The following HCN1 variants were observed in gnomAD, a reference collection of about 807,000 sequenced individuals.
HCN1 encodes hyperpolarization activated cyclic nucleotide gated potassium channel 1, also known as potassium/sodium hyperpolarization-activated cyclic nucleotide-gated channel 1.
A neutral mutation model predicts 78.9 loss-of-function variants in HCN1; 13 were observed. The ratio of observed to expected loss-of-function variants is 0.16; its 90% confidence interval spans 0.11 to 0.26. The LOEUF is 0.26. Among genes scored for constraint, HCN1 ranks in the 10% least tolerant of loss-of-function variants. HCN1 has a pLI of 1.00. For synonymous variants in HCN1, 552 were observed against 455.5 expected, an observed-to-expected ratio of 1.21 and a Z score of -2.70; for missense variants, 810 against 1,154.3, an observed-to-expected ratio of 0.70 and a Z score of 4.32.
At chr5:45,411,414 TA>T (rs1348292010) in intron 3 of HCN1, among the ~76,000 whole-genome samples, 5 of 152,044 alleles carry the variant, frequency 3.3e-5, no homozygotes, top group Admixed American at 1.3e-4. Flanking sequence ...GATTCAGGCG[TA>T]ATTCCTATTT....
chr5:45,322,361 GACC>G (rs1442050100), intron 5 of HCN1, among the ~76,000 whole-genome samples: 1 of 151,746 alleles, frequency 6.6e-6, no homozygotes, highest in Non-Finnish European at 1.5e-5. Context: ...GTAGTATAAT[GACC>G]ACAATGATGA....
chr5:45,464,222 A>G (rs186935939), intron 2 of HCN1, among the ~76,000 whole-genome samples: 5 of 152,230 alleles, frequency 3.3e-5, no homozygotes. Flanking sequence ...GAGAGACAGG[A>G]CCACTAATTT....
intron 5 of HCN1, among the ~76,000 whole-genome samples, chr5:45,320,186 C>A (rs570392507): frequency 6.6e-6 from 1 of 151,880 alleles, no homozygotes; most frequent in South Asian, 2.1e-4. Flanking sequence ...AAAAGACATC[C>A]CTACCTGGAG....
In HCN1 at chr5:45,430,122, A is replaced by G. The variant is rs1211014008; in HGVS notation, c.1011+31724T>C. On this transcript the variant is annotated intron_variant, in intron 3 of 7. Transcript: ENST00000303230. ...ATCCCTGGATAATAAAATTAATATA[A>G]AAGAATAAAACTCCAACATTCATCA... is the stretch of plus-strand genomic sequence containing the variant. Among the ~76,000 whole-genome samples the G allele has an allele frequency of 2.0e-5, 3 of 152,204 alleles. No individual in the cohort carries two copies. The East Asian group carries it at 5.8e-4, about 29-fold the overall frequency.
intron 3 of HCN1, among the ~76,000 whole-genome samples, chr5:45,452,246 AT>A (rs762942446): frequency 9.2e-5 from 14 of 151,638 alleles, no homozygotes; most frequent in Non-Finnish European, 1.9e-4. Flanking sequence ...AGAGACAGGT[AT>A]TGATTAACTC....
At chr5:45,689,215 T>C (rs573222497) in intron 1 of HCN1, among the ~76,000 whole-genome samples, 1 of 152,164 alleles carries the variant, frequency 6.6e-6, no homozygotes, top group South Asian at 2.1e-4. Context: ...GGATGATCTG[T>C]GCAGCAAACT....
At chr5:45,690,027 T>C (rs1739877289) in intron 1 of HCN1, among the ~76,000 whole-genome samples, 2 of 152,064 alleles carry the variant, frequency 1.3e-5, no homozygotes, top group Admixed American at 1.3e-4. Context: ...AGGCAGTCAT[T>C]CCATTCCCTG....
chr5:45,433,002 T>C (rs1202260096), intron 3 of HCN1, among the ~76,000 whole-genome samples: 1 of 152,004 alleles, frequency 6.6e-6, no homozygotes, highest in Non-Finnish European at 1.5e-5. Context: ...AAAACCATCA[T>C]ATCTCATGAG....
chr5:45,685,465 G>C (rs1238951780), intron 1 of HCN1, among the ~76,000 whole-genome samples: 1 of 152,198 alleles, frequency 6.6e-6, no homozygotes, highest in East Asian at 1.9e-4. Flanking sequence ...TGTAACGTCA[G>C]CACTTTAGGA....
rs1740006250 is a variant in HCN1 at position 45,696,027 on chromosome 5, C to G, written c.67G>C (p.Ala23Pro). ...CCCGCGCCCGTCGCGGACGCCTTGG[C>G]GGGGAAGACGCTGTTGCCATCGTCC... is the stretch of plus-strand genomic sequence containing the variant. Reference protein sequence around the residue: ...SRDDGNSVFPAKASATGAGPA... With the variant: ...SRDDGNSVFPPKASATGAGPA... The change falls in exon 1 of 8, where the codon GCC (alanine) becomes CCC (proline). Residue 23 changes from alanine to proline, a missense_variant. Ala to Pro is a conservative substitution (Grantham distance 27). Coordinates refer to ENST00000303230, the MANE Select transcript of HCN1 (RefSeq NM_021072.4). 3 of 1,320,346 alleles carry G rather than the reference C, an allele frequency of 2.3e-6. No homozygotes were observed. Among genetic ancestry groups the G allele is most frequent in the East Asian group, 7.5e-5 (2 of 26,604 alleles). The allele number at this position is 1,320,346 out of a possible 1,614,324, so 81.8% of individuals were successfully genotyped here.
chr5:45,607,157 T>A (rs1744741139), intron 2 of HCN1, among the ~76,000 whole-genome samples: 1 of 151,670 alleles, frequency 6.6e-6, no homozygotes, highest in African/African-American at 2.4e-5. Flanking sequence ...ATGACTAAAG[T>A]AGAAATAACA....
At chr5:45,311,243 G>T (rs1458749602) in intron 5 of HCN1, among the ~76,000 whole-genome samples, 1 of 151,980 alleles carries the variant, frequency 6.6e-6, no homozygotes, top group Non-Finnish European at 1.5e-5. Flanking sequence ...CAAAAGTGAG[G>T]GAGAAACAAA....
intron 5 of HCN1, among the ~76,000 whole-genome samples, chr5:45,342,157 G>A (rs1746596315): frequency 6.6e-6 from 1 of 151,958 alleles, no homozygotes. Context: ...CTTATGTGGA[G>A]AAATGAAGTG....
At chr5:45,363,286 G>A (rs1579841111) in intron 4 of HCN1, among the ~76,000 whole-genome samples, 1 of 151,392 alleles carries the variant, frequency 6.6e-6, no homozygotes, top group Non-Finnish European at 1.5e-5. Context: ...GTCCATCTCA[G>A]GGTTTTTGCA....
chr5:45,321,560 A>C lies in HCN1; in HGVS notation c.1378-17721T>G, dbSNP rs1040080645. Among the ~76,000 whole-genome samples the C allele has an allele frequency of 1.6e-4, 24 of 151,880 alleles. 1 individual carries two copies. Among genetic ancestry groups the C allele is most frequent in the Non-Finnish European group, 8.8e-5 (6 of 67,892 alleles). Reference sequence around the variant, plus strand: ...ATAGTGTATATTTCAAAATGAAAAAAAAGAGTCACTTTTAGCATTTTACAG... The same window carrying C: ...ATAGTGTATATTTCAAAATGAAAAACAAGAGTCACTTTTAGCATTTTACAG... On this transcript the variant is annotated intron_variant, in intron 5 of 7. Coordinates refer to ENST00000303230, the MANE Select transcript of HCN1 (RefSeq NM_021072.4).
chr5:45,373,676 CTATAA>C (rs1290812246), intron 4 of HCN1, among the ~76,000 whole-genome samples: 2 of 117,774 alleles, frequency 1.7e-5, no homozygotes, highest in Admixed American at 1.0e-4. Context: ...TATACGTCAT[CTATAA>C]TATATTACAT....
intron 5 of HCN1, among the ~76,000 whole-genome samples, chr5:45,335,699 TAA>T (rs779656407): frequency 7.9e-5 from 12 of 152,108 alleles, no homozygotes; most frequent in South Asian, 2.1e-4. Flanking sequence ...GTAGTAACAT[TAA>T]GAGTTAAATT....
At chr5:45,534,960 C>T (rs931072310) in intron 2 of HCN1, among the ~76,000 whole-genome samples, 7 of 152,036 alleles carry the variant, frequency 4.6e-5, no homozygotes, top group Non-Finnish European at 8.8e-5. Flanking sequence ...ATCACATGCC[C>T]GACTTGAAAG....
intron 1 of HCN1, among the ~76,000 whole-genome samples, chr5:45,677,008 T>C (rs1303493128): frequency 6.6e-6 from 1 of 151,842 alleles, no homozygotes; most frequent in Non-Finnish European, 1.5e-5. Flanking sequence ...GTTGCTTCAT[T>C]ATAACTTTAA....
Sources: allele counts gnomAD v4.1 joint callset (sites outside exome capture counted in the v4.1 genomes callset), GRCh38; gene constraint gnomAD v4.1.1; transcripts MANE v1.5; gene names NCBI Gene and HGNC (gene_info 2026-07-23, HGNC 2026-07-21).